NAALADL2: variants seen among roughly 807,000 people sequenced by gnomAD.
NAALADL2 encodes the protein inactive N-acetylated-alpha-linked acidic dipeptidase-like protein 2.
A neutral mutation model predicts 87.2 loss-of-function variants in NAALADL2; 76 were observed. The ratio of observed to expected loss-of-function variants is 0.87; its 90% CI spans 0.72 to 1.05. NAALADL2 has a LOEUF of 1.05. NAALADL2 is among the 50% of genes least tolerant of loss of function. The probability of loss-of-function intolerance (pLI) is 0.00; values close to 1 mark genes in which losing one functional copy is unlikely to be tolerated. For synonymous variants in NAALADL2, 354 were observed against 331.0 expected (o/e 1.07, Z -0.75); for missense variants, 1,089 against 945.8 (o/e 1.15, Z -1.99).
At chr3:174,768,184 G>C (rs1239917282) in intron 3 of NAALADL2, among the ~76,000 whole-genome samples, 2 of 152,164 alleles carry the variant, frequency 1.3e-5, no homozygotes, top group Non-Finnish European at 2.9e-5. Flanking sequence ...CTTTCTTTGA[G>C]TTGGAGGATG....
chr3:175,227,689 T>G (rs1744356767), intron 2 of NAALADL2, among the ~76,000 whole-genome samples: 1 of 151,968 alleles, frequency 6.6e-6, no homozygotes, highest in Non-Finnish European at 1.5e-5. Context: ...CTCAATAAAA[T>G]CTATTTATTT....
At chr3:174,663,192 A>G (rs1471370785) in intron 2 of NAALADL2, among the ~76,000 whole-genome samples, 1 of 152,142 alleles carries the variant, frequency 6.6e-6, no homozygotes, top group East Asian at 1.9e-4. Context: ...ATTGGAGAAA[A>G]CTATGTTTTG....
chr3:174,521,662 C>G (rs1203128626), intron 1 of NAALADL2, among the ~76,000 whole-genome samples: 3 of 151,008 alleles, frequency 2.0e-5, no homozygotes, highest in African/African-American at 7.3e-5. Flanking sequence ...AGGTAATTAT[C>G]CTCAGTGAAA....
At position 174,660,274 on chromosome 3, in the gene NAALADL2, T is replaced by C. The variant is rs565370531; in HGVS notation, c.-114-77367T>C. ...ATGCCTCAACTTTGCCAATGATTTT[T>C]GCTATCCTTTTCGACTGACAAAATG... is the stretch of plus-strand genomic sequence containing the variant. On this transcript the variant is annotated intron_variant, in intron 2 of 3. Coordinates refer to the NAALADL2 transcript ENST00000434257. Among the ~76,000 whole-genome samples the C allele has an allele frequency of 1.4e-4, 21 of 152,322 alleles. No individual in the cohort carries two copies. In the South Asian group the frequency reaches 4.3e-3, roughly 32 times the overall value.
intron 1 of NAALADL2, among the ~76,000 whole-genome samples, chr3:174,973,472 A>G (rs979446082): frequency 6.6e-6 from 1 of 152,180 alleles, no homozygotes; most frequent in Non-Finnish European, 1.5e-5. Context: ...ATAAGATAAT[A>G]TTATAGCTCT....
chr3:174,599,041 G>A (rs1188196618), intron 2 of NAALADL2, among the ~76,000 whole-genome samples: 1 of 152,108 alleles, frequency 6.6e-6, no homozygotes, highest in Non-Finnish European at 1.5e-5. Flanking sequence ...CAGCTTGTCA[G>A]CGATGACAGC....
chr3:174,786,154 T>C (rs1716614521), intron 3 of NAALADL2, among the ~76,000 whole-genome samples: 1 of 152,076 alleles, frequency 6.6e-6, no homozygotes, highest in Non-Finnish European at 1.5e-5. Context: ...AAAGCTTTAC[T>C]GAAAAAGTAA....
chr3:175,087,464 A>G (rs1311916477), intron 1 of NAALADL2, among the ~76,000 whole-genome samples: 1 of 152,204 alleles, frequency 6.6e-6, no homozygotes, highest in African/African-American at 2.4e-5. Context: ...TGTCGAATAG[A>G]AAAAGGGGGA....
intron 1 of NAALADL2, among the ~76,000 whole-genome samples, chr3:174,476,041 A>G (rs771636091): frequency 6.6e-6 from 1 of 152,020 alleles, no homozygotes; most frequent in Non-Finnish European, 1.5e-5. Context: ...ATTTTATTCA[A>G]ACTTTACATT....
intron 3 of NAALADL2, among the ~76,000 whole-genome samples, chr3:174,743,050 C>G (rs1733908464): frequency 6.6e-6 from 1 of 151,652 alleles, no homozygotes. Flanking sequence ...CTGTTCTCAT[C>G]AAGCCCACAT....
At chr3:175,030,237 T>C (rs536099956) in intron 1 of NAALADL2, among the ~76,000 whole-genome samples, 37 of 152,248 alleles carry the variant, frequency 2.4e-4, no homozygotes, top group Non-Finnish European at 5.0e-4. Flanking sequence ...TCCTCTGATA[T>C]AACAATGTGC....
intron 5 of NAALADL2, among the ~76,000 whole-genome samples, chr3:175,417,673 T>A (rs937518715): frequency 6.6e-6 from 1 of 152,134 alleles, no homozygotes. Flanking sequence ...AGAGGAAACA[T>A]ATGTAAAATA....
At chr3:174,858,082 C>A (rs1726052554), upstream of NAALADL2, among the ~76,000 whole-genome samples, 1 of 145,238 alleles carries the variant, frequency 6.9e-6, no homozygotes, top group Non-Finnish European at 1.5e-5. Context: ...TAACTACAGC[C>A]TATATATATA....
At chr3:175,649,434 A>G (rs959110257) in intron 11 of NAALADL2, among the ~76,000 whole-genome samples, 1 of 150,958 alleles carries the variant, frequency 6.6e-6, no homozygotes, top group Non-Finnish European at 1.5e-5. Flanking sequence ...AATTGTTGGC[A>G]TGTGTTTTAT....
chr3:174,947,387 G>T (rs1432775260), intron 1 of NAALADL2, among the ~76,000 whole-genome samples: 1 of 151,946 alleles, frequency 6.6e-6, no homozygotes, highest in Non-Finnish European at 1.5e-5. Flanking sequence ...GCTGTTTTAT[G>T]GTTTCACTTT....
At chr3:174,621,951 C>A (rs1160346933) in intron 2 of NAALADL2, among the ~76,000 whole-genome samples, 1 of 152,140 alleles carries the variant, frequency 6.6e-6, no homozygotes, top group African/African-American at 2.4e-5. Flanking sequence ...GCTTCACCAT[C>A]CCTAACAAAG....
intron 1 of NAALADL2, among the ~76,000 whole-genome samples, chr3:174,919,594 C>T (rs1300059844): frequency 1.3e-5 from 2 of 152,132 alleles, no homozygotes; most frequent in African/African-American, 2.4e-5. Flanking sequence ...TTATCTCCTC[C>T]ACTGAAGTCC....
chr3:175,665,643 A>C (rs555810658), intron 11 of NAALADL2, among the ~76,000 whole-genome samples: 1 of 152,274 alleles, frequency 6.6e-6, no homozygotes, highest in African/African-American at 2.4e-5. Flanking sequence ...ATTAAAAAAA[A>C]TGTTTTAGGC....
At chr3:175,555,861 G>A (rs774097340) in intron 9 of NAALADL2, among the ~76,000 whole-genome samples, 17 of 152,166 alleles carry the variant, frequency 1.1e-4, no homozygotes, top group Non-Finnish European at 2.4e-4. Context: ...CTAGGCACTA[G>A]GATTCTTAGC....
Sources: allele counts gnomAD v4.1 joint callset (sites outside exome capture counted in the v4.1 genomes callset), GRCh38; gene constraint gnomAD v4.1.1; transcripts MANE v1.5; gene names NCBI Gene and HGNC (gene_info 2026-07-23, HGNC 2026-07-21).